ZNF385D: variants seen among roughly 807,000 people sequenced by gnomAD.
ZNF385D encodes the protein zinc finger protein 659.
ZNF385D carries 15 observed loss-of-function variants against 35.8 expected under a neutral mutation model. That is an observed-to-expected ratio of 0.42 (90% CI 0.28 to 0.64). The LOEUF (loss-of-function observed/expected upper bound fraction) is 0.64, where lower values mean the gene tolerates loss of function less well. Among genes scored for constraint, ZNF385D ranks in the 30% least tolerant of loss-of-function variants. ZNF385D has a pLI of 0.23. For synonymous variants in ZNF385D, 212 were observed against 186.8 expected, an observed-to-expected ratio of 1.13 and a Z score of -1.10; for missense variants, 474 against 494.6, an observed-to-expected ratio of 0.96 and a Z score of 0.39.
In ZNF385D at chr3:21,982,079, G is replaced by GTTTT. The variant is rs59719489; in HGVS notation, c.325+186734_325+186737dup. On this transcript the variant is annotated intron_variant, in intron 3 of 5. Transcript: ENST00000494108. The stretch of plus-strand genomic sequence containing the variant: ...TTGGTTCCATTTGAATTTTAAAATA[G>GTTTT]TTTTTTTTTTTTTTTTTTAATTCTG... Among the ~76,000 whole-genome samples the GTTTT allele has an allele frequency of 2.8e-3, 367 of 133,232 alleles. 1 individual carries two copies. The highest frequency in any genetic ancestry group is 9.6e-3 in the African/African-American group (335 of 34,782). The allele number at this position is 133,232 out of a possible 152,430, so 87.4% of individuals were successfully genotyped here.
At chr3:22,353,912 C>T (rs1696031574) in intron 2 of ZNF385D, among the ~76,000 whole-genome samples, 2 of 152,090 alleles carry the variant, frequency 1.3e-5, no homozygotes, top group African/African-American at 4.8e-5. Context: ...GTTGATCTCC[C>T]TCCTCCCCAC....
chr3:21,998,498 C>A (rs1021713352), intron 3 of ZNF385D, among the ~76,000 whole-genome samples: 1 of 152,154 alleles, frequency 6.6e-6, no homozygotes, highest in Non-Finnish European at 1.5e-5. Context: ...AGCCACAGGG[C>A]TGTTGGCAAT....
chr3:21,731,084 A>G (rs990797116), intron 1 of ZNF385D, among the ~76,000 whole-genome samples: 1 of 152,200 alleles, frequency 6.6e-6, no homozygotes, highest in African/African-American at 2.4e-5. Flanking sequence ...TAAAATATAT[A>G]TGCATATTTA....
At chr3:21,971,574 C>CA (rs1057441420) in intron 3 of ZNF385D, among the ~76,000 whole-genome samples, 13 of 148,422 alleles carry the variant, frequency 8.8e-5, no homozygotes, top group South Asian at 8.5e-4. Context: ...AAGAGATGGC[C>CA]AAAAAAATGA....
chr3:21,781,222 G>A (rs763917318), intron 3 of ZNF385D, among the ~76,000 whole-genome samples: 1 of 151,984 alleles, frequency 6.6e-6, no homozygotes, highest in African/African-American at 2.4e-5. Context: ...AGCGAGAAAA[G>A]GGAAAGGAAA....
At chr3:21,670,747 G>A (rs2066551250) in intron 1 of ZNF385D, among the ~76,000 whole-genome samples, 1 of 137,998 alleles carries the variant, frequency 7.2e-6, no homozygotes, top group Non-Finnish European at 1.5e-5. Context: ...AGCCATGAAG[G>A]GATGGGAGAT....
At chr3:21,511,362 C>A (rs905074735) in intron 3 of ZNF385D, among the ~76,000 whole-genome samples, 10 of 152,046 alleles carry the variant, frequency 6.6e-5, no homozygotes, top group Non-Finnish European at 1.5e-5. Context: ...ATGCTGGGCT[C>A]CCAAAGATTA....
At chr3:22,325,409 T>C (rs966493887) in intron 2 of ZNF385D, among the ~76,000 whole-genome samples, 2 of 152,172 alleles carry the variant, frequency 1.3e-5, no homozygotes, top group Admixed American at 6.5e-5. Flanking sequence ...ATTTTCTAAA[T>C]AGACAAATTC....
chr3:22,148,613 C>G (rs78978593), intron 3 of ZNF385D, among the ~76,000 whole-genome samples: 6 of 152,076 alleles, frequency 3.9e-5, no homozygotes, highest in African/African-American at 1.4e-4. Flanking sequence ...TGAAAAATAG[C>G]GTGACAAGTT....
intron 3 of ZNF385D, among the ~76,000 whole-genome samples, chr3:21,995,224 G>C (rs938119675): frequency 3.9e-5 from 6 of 152,308 alleles, no homozygotes. Flanking sequence ...TATGTGGTAG[G>C]GGCCAATGGT....
At chr3:21,762,846 C>G (rs1304113570) in intron 3 of ZNF385D, among the ~76,000 whole-genome samples, 1 of 152,198 alleles carries the variant, frequency 6.6e-6, no homozygotes, top group African/African-American at 2.4e-5. Flanking sequence ...ACTTGGGGCA[C>G]CTTTTTACAA....
At chr3:21,636,857 T>C (rs1434051398) in intron 2 of ZNF385D, among the ~76,000 whole-genome samples, 1 of 152,082 alleles carries the variant, frequency 6.6e-6, no homozygotes, top group African/African-American at 2.4e-5. Context: ...ATTAGTGATG[T>C]TGAGCTTTTT....
chr3:21,550,216 C>T (rs2125594246), intron 3 of ZNF385D, among the ~76,000 whole-genome samples: 1 of 152,132 alleles, frequency 6.6e-6, no homozygotes, highest in African/African-American at 2.4e-5. Context: ...TTTTGTTTTT[C>T]CCACAGCTAA....
intron 3 of ZNF385D, among the ~76,000 whole-genome samples, chr3:21,835,457 A>G (rs1695272584): frequency 6.6e-6 from 1 of 151,740 alleles, no homozygotes; most frequent in Non-Finnish European, 1.5e-5. Flanking sequence ...TGAAATACTC[A>G]TAGTCTTCTC....
chr3:21,463,951 A>G (rs1041407832), intron 4 of ZNF385D, among the ~76,000 whole-genome samples: 1 of 151,454 alleles, frequency 6.6e-6, no homozygotes, highest in East Asian at 1.9e-4. Flanking sequence ...TTTCTTATTT[A>G]TAGGAGGCTG....
chr3:21,466,312 T>A (rs760398470), intron 4 of ZNF385D, among the ~76,000 whole-genome samples: 1 of 152,202 alleles, frequency 6.6e-6, no homozygotes, highest in Non-Finnish European at 1.5e-5. Context: ...TACTCCTTCA[T>A]ACATCCACTT....
chr3:21,456,592 G>T (rs897578602), intron 4 of ZNF385D, among the ~76,000 whole-genome samples: 1 of 152,162 alleles, frequency 6.6e-6, no homozygotes, highest in Middle Eastern at 3.4e-3. Context: ...GTTGTGGGGT[G>T]GGGGGAGTAA....
intron 2 of ZNF385D, among the ~76,000 whole-genome samples, chr3:22,177,175 A>G (rs1295429760): frequency 6.6e-6 from 1 of 152,196 alleles, no homozygotes; most frequent in Non-Finnish European, 1.5e-5. Flanking sequence ...CTGCACTGTG[A>G]GTCCTGCTCT....
chr3:22,253,736 T>G (rs1165091473), intron 2 of ZNF385D, among the ~76,000 whole-genome samples: 1 of 151,846 alleles, frequency 6.6e-6, no homozygotes, highest in African/African-American at 2.4e-5. Flanking sequence ...ACTTAGAAAA[T>G]ATTGCAAAAG....
Sources: allele counts gnomAD v4.1 joint callset (sites outside exome capture counted in the v4.1 genomes callset), GRCh38; gene constraint gnomAD v4.1.1; transcripts MANE v1.5; gene names NCBI Gene and HGNC (gene_info 2026-07-23, HGNC 2026-07-21).